The following PPME1 variants were observed in gnomAD, a reference collection of about 807,000 sequenced individuals.
PPME1 encodes the protein testicular secretory protein Li 39.
A neutral mutation model predicts 56.9 loss-of-function variants in PPME1; 17 were observed. The observed-to-expected ratio is 0.30, with a 90% CI of 0.20 to 0.45. The LOEUF is 0.45. Among genes scored for constraint, PPME1 ranks in the 20% least tolerant of loss-of-function variants. The probability of loss-of-function intolerance (pLI) is 1.00; values close to 1 mark genes in which losing one functional copy is unlikely to be tolerated. For synonymous variants in PPME1, 122 were observed against 156.2 expected (o/e 0.78, Z 1.63); for missense variants, 357 against 483.2 (o/e 0.74, Z 2.45).
intron 10 of PPME1, among the ~76,000 whole-genome samples, 200 bp from the exon 11 acceptor site, chr11:74,246,878 GT>G (rs148530825): frequency 1.3e-5 from 2 of 152,252 alleles, no homozygotes; most frequent in African/African-American, 4.8e-5. Context: ...GTAAAACCTT[GT>G]TTTCAGAACC....
chr11:74,247,483 G>GTTT (rs761820906), intron 11 of PPME1: 12 of 119,090 alleles, frequency 1.0e-4, no homozygotes, highest in African/African-American at 1.8e-4. Flanking sequence ...TTGTTTGTGG[G>GTTT]TTTTTTTTTT....
intron 12 of PPME1, 153 bp downstream of exon 12, chr11:74,251,171 C>G: frequency 1.4e-6 from 2 of 1,465,562 alleles, no homozygotes; most frequent in Non-Finnish European, 1.8e-6. Flanking sequence ...CAACTTCTCC[C>G]TGGCAGCTGC....
intron 11 of PPME1, chr11:74,248,303 T>C (rs1859559955): frequency 6.6e-6 from 1 of 152,232 alleles, no homozygotes; most frequent in African/African-American, 2.4e-5. Context: ...CCCTGGACAA[T>C]TTCATGGCTT....
chr11:74,213,440 C>T (rs926618616), intron 3 of PPME1, among the ~76,000 whole-genome samples: 3 of 152,212 alleles, frequency 2.0e-5, no homozygotes, highest in African/African-American at 7.2e-5. Context: ...AGAAGCCTGG[C>T]TGGCTTTGCT....
At chr11:74,251,805 C>T (rs1565398337) in intron 13 of PPME1, 90 bp downstream of exon 13, 2 of 1,521,784 alleles carry the variant, frequency 1.3e-6, no homozygotes, top group Non-Finnish European at 1.8e-6. Context: ...CTCTGCCTTA[C>T]CCCTGCCTGG....
intron 3 of PPME1, among the ~76,000 whole-genome samples, chr11:74,219,802 A>C (rs1415767661): frequency 6.6e-6 from 1 of 152,124 alleles, no homozygotes; most frequent in African/African-American, 2.4e-5. Flanking sequence ...TAATGAGTAC[A>C]AAAATATTTA....
Position 74,251,730 on chromosome 11 carries a change from A to G in PPME1, c.1142+15A>G, listed in dbSNP as rs1036561036. 1.2e-6 allele frequency: 2 copies of G among 1,613,914 alleles called. No homozygotes were observed. The highest frequency in any genetic ancestry group is 3.3e-4 in the Middle Eastern group (2 of 6,062). ...GGATTCCAGTGGTAAGGCGGGTACA[A>G]GGGTTTAAGAACCCAGCAGTGCTGG... On this transcript the variant is annotated intron_variant, in intron 13 of 13. Coordinates refer to ENST00000328257, the MANE Select transcript of PPME1 (RefSeq NM_016147.3).
chr11:74,251,200 G>A, intron 12 of PPME1, 182 bp downstream of exon 12: 1 of 1,439,268 alleles, frequency 6.9e-7, no homozygotes, highest in Non-Finnish European at 9.1e-7. Flanking sequence ...TTGGTTTTGT[G>A]TATATGTGCT....
chr11:74,211,362 A>G (rs879857727), intron 3 of PPME1, among the ~76,000 whole-genome samples: 1 of 152,194 alleles, frequency 6.6e-6, no homozygotes, highest in Non-Finnish European at 1.5e-5. Context: ...AAAAAGAGCA[A>G]TCTGGTCTTT....
chr11:74,199,905 G>A (rs2135618003), intron 1 of PPME1, among the ~76,000 whole-genome samples: 1 of 152,264 alleles, frequency 6.6e-6, no homozygotes, highest in East Asian at 1.9e-4. Context: ...CATGAGAACA[G>A]TATAGGGGAA....
Position 74,172,254 on chromosome 11 carries a change from A to G in PPME1, c.101+732A>G, listed in dbSNP as rs1265095753. Among the ~76,000 whole-genome samples, 3 of 151,916 alleles carry G rather than the reference A, an allele frequency of 2.0e-5. No individual in the cohort carries two copies. The South Asian group carries it at 6.2e-4, about 31-fold the overall frequency. ...ACAGGATAAGGGAGAGAGAAGAAGG[A>G]GAGGACTGAAGAATTTACAGAGTGA... On this transcript the variant is annotated intron_variant, in intron 1 of 13. Coordinates refer to ENST00000328257, the MANE Select transcript of PPME1 (RefSeq NM_016147.3).
chr11:74,181,560 A>C (rs1257928568), intron 1 of PPME1, among the ~76,000 whole-genome samples: 1 of 152,238 alleles, frequency 6.6e-6, no homozygotes, highest in Non-Finnish European at 1.5e-5. Context: ...CCTCAATAAC[A>C]TTTAGAACTC....
rs7122164 is a variant in PPME1 at position 74,223,770 on chromosome 11, G to A, written c.346+1401G>A. Among the ~76,000 whole-genome samples the A allele has an allele frequency of 8.6e-3, 1,168 of 135,186 alleles. 12 individuals carry two copies. Among genetic ancestry groups the A allele is most frequent in the African/African-American group, 0.028 (968 of 34,870 alleles). 88.7% of individuals were successfully genotyped at this position (135,186 alleles called of 152,430 possible). A position where few individuals can be genotyped will look rare whatever the true frequency, so the allele number is the denominator to read the frequency against. Reference sequence around the variant, plus strand: ...TGAGAAGTGTCTGTTCATGTCCTTCGCCCACTTTTTGATGGGGTTGTTTGT... The same window carrying A: ...TGAGAAGTGTCTGTTCATGTCCTTCACCCACTTTTTGATGGGGTTGTTTGT... On this transcript the variant is annotated intron_variant, in intron 4 of 13. Transcript: ENST00000328257.
chr11:74,185,286 C>T (rs1046596778), intron 1 of PPME1, among the ~76,000 whole-genome samples: 30 of 152,090 alleles, frequency 2.0e-4, no homozygotes, highest in Middle Eastern at 3.2e-3. Context: ...GTGTGAGCCA[C>T]CGCGCCTGGT....
chr11:74,209,353 T>C (rs950065196), intron 3 of PPME1, among the ~76,000 whole-genome samples: 3 of 152,194 alleles, frequency 2.0e-5, no homozygotes, highest in Non-Finnish European at 4.4e-5. Context: ...TCCTCCTGCC[T>C]CAGCCTCTCA....
At chr11:74,217,565 GA>G (rs1858686206) in intron 3 of PPME1, among the ~76,000 whole-genome samples, 1 of 137,774 alleles carries the variant, frequency 7.3e-6, no homozygotes, top group Non-Finnish European at 1.6e-5. Flanking sequence ...AAAAAAAAAG[GA>G]AAAAGATTAT....
chr11:74,248,933 A>C (rs1047938298), intron 11 of PPME1: 2 of 152,210 alleles, frequency 1.3e-5, no homozygotes, highest in African/African-American at 4.8e-5. Context: ...TTGCGGTATG[A>C]GTGAATTCCT....
intron 5 of PPME1, among the ~76,000 whole-genome samples, chr11:74,229,519 T>G (rs1426545314): frequency 6.6e-6 from 1 of 150,728 alleles, no homozygotes; most frequent in Non-Finnish European, 1.5e-5. Context: ...TAATTGAAGA[T>G]TAGAACCAAA....
chr11:74,247,152 AC>A, intron 11 of PPME1, 29 bp downstream of exon 11: 1 of 1,586,402 alleles, frequency 6.3e-7, no homozygotes, highest in South Asian at 1.1e-5. Flanking sequence ...ATACCCCTGG[AC>A]CCTTTTCTGA....
Sources: allele counts gnomAD v4.1 joint callset (sites outside exome capture counted in the v4.1 genomes callset), GRCh38; gene constraint gnomAD v4.1.1; transcripts MANE v1.5; gene names NCBI Gene and HGNC (gene_info 2026-07-23, HGNC 2026-07-21).